RFWD3: variants seen among roughly 807,000 people sequenced by gnomAD.
The protein encoded by RFWD3 is ring finger and WD repeat domain 3.
In RFWD3, 65 loss-of-function variants were observed where a neutral mutation model predicts 87.7. That is an observed-to-expected ratio of 0.74 (90% CI 0.61 to 0.91). The LOEUF (loss-of-function observed/expected upper bound fraction) is 0.91, where lower values mean the gene tolerates loss of function less well. Ranked by LOEUF, RFWD3 falls within the 40% of genes least tolerant of loss-of-function variation. RFWD3 has a pLI of 0.00. For synonymous variants in RFWD3, 433 were observed against 352.8 expected (o/e 1.23, Z -2.55); for missense variants, 1,078 against 938.5 (o/e 1.15, Z -1.94).
At chr16:74,648,844 G>A (rs1221762564) in intron 4 of RFWD3, among the ~76,000 whole-genome samples, 1 of 152,118 alleles carries the variant, frequency 6.6e-6, no homozygotes, top group Non-Finnish European at 1.5e-5. Flanking sequence ...TCAATGGTTT[G>A]GGAGGCCGAG....
chr16:74,625,582 A>G (rs1958910243), intron 12 of RFWD3, among the ~76,000 whole-genome samples: 1 of 151,080 alleles, frequency 6.6e-6, no homozygotes, highest in African/African-American at 2.4e-5. Flanking sequence ...TTCTTCTGCC[A>G]TTGACTTGTT....
At chr16:74,652,771 C>G (rs931493400) in intron 2 of RFWD3, among the ~76,000 whole-genome samples, 5 of 152,196 alleles carry the variant, frequency 3.3e-5, no homozygotes, top group African/African-American at 1.2e-4. Context: ...ACCTCAGTTT[C>G]TCTAACTCCT....
At position 74,622,697 on chromosome 16, in the gene RFWD3, C is replaced by G. The variant is rs1445290514; in HGVS notation, c.*1231G>C. On this transcript the variant is annotated 3_prime_UTR_variant, in exon 13 of 13. Coordinates refer to ENST00000361070, the MANE Select transcript of RFWD3 (RefSeq NM_018124.4). ...CTGTTAAGCCATTTTCTCCCATGAACAGGACACTGACCTGCCCACATCTTG... is the reference window on the plus strand; with the variant it reads ...CTGTTAAGCCATTTTCTCCCATGAAGAGGACACTGACCTGCCCACATCTTG... The G allele has an allele frequency of 6.6e-6, 1 of 152,152 alleles. No homozygotes were observed. Among genetic ancestry groups the G allele is most frequent in the Non-Finnish European group, 1.5e-5 (1 of 68,034 alleles). The allele number at this position is 152,152 out of a possible 1,614,324, so 9.4% of individuals were successfully genotyped here. A position where few individuals can be genotyped will look rare whatever the true frequency, so the allele number is the denominator to read the frequency against.
intron 6 of RFWD3, among the ~76,000 whole-genome samples, chr16:74,640,118 T>G (rs1959503123): frequency 6.6e-6 from 1 of 151,782 alleles, no homozygotes; most frequent in Non-Finnish European, 1.5e-5. Context: ...GGGGGACTAC[T>G]GTAGCCCATT....
At chr16:74,636,630 T>A (rs1959203033) in intron 7 of RFWD3, 53 bp from the exon 8 acceptor site, 1 of 1,261,124 alleles carries the variant, frequency 7.9e-7, no homozygotes, top group Non-Finnish European at 1.1e-6. Flanking sequence ...GATATTCCCC[T>A]CAAATACAAT....
intron 6 of RFWD3, among the ~76,000 whole-genome samples, chr16:74,638,500 T>C (rs959727940): frequency 6.6e-6 from 1 of 152,122 alleles, no homozygotes; most frequent in African/African-American, 2.4e-5. Flanking sequence ...GAATAACAAA[T>C]ATATATTTGT....
intron 6 of RFWD3, among the ~76,000 whole-genome samples, chr16:74,640,615 C>G (rs1228809834): frequency 2.0e-5 from 3 of 151,874 alleles, no homozygotes; most frequent in Admixed American, 6.6e-5. Context: ...TGCACTCTGG[C>G]CTTTGTGATA....
intron 8 of RFWD3, among the ~76,000 whole-genome samples, chr16:74,635,853 T>C (rs1397671428): frequency 6.6e-6 from 1 of 152,204 alleles, no homozygotes; most frequent in Non-Finnish European, 1.5e-5. Context: ...AACCTAAAAT[T>C]AAGCTTAAAA....
At chr16:74,666,182 T>TTAGATAGACAGGA (rs1555529778) in intron 1 of RFWD3, 2 of 131,324 alleles carry the variant, frequency 1.5e-5, no homozygotes, top group Non-Finnish European at 3.2e-5. Context: ...GATAGACAGA[T>TTAGATAGACAGGA]TAGATAGATA....
In RFWD3 at chr16:74,636,510, A is replaced by C. The variant is rs1436992760; in HGVS notation, c.1262T>G (p.Val421Gly). The C allele has an allele frequency of 1.2e-6, 2 of 1,613,874 alleles. No individual in the cohort carries two copies. Among genetic ancestry groups the C allele is most frequent in the Non-Finnish European group, 1.7e-6 (2 of 1,180,026 alleles). Reference protein sequence around the residue: ...LQQPRGSQAWVLSCSPSSQGQ... With the variant: ...LQQPRGSQAWGLSCSPSSQGQ... ...CTGGCTGGAGGGTGAGCAGCTCAGGACCCATGCTTGGGAGCCCCTGGGTTG... is the reference window on the plus strand; with the variant it reads ...CTGGCTGGAGGGTGAGCAGCTCAGGCCCCATGCTTGGGAGCCCCTGGGTTG... Residue 421 changes from valine to glycine, a missense_variant, in exon 8 of 13, where the codon GTC becomes GGC. Transcript: ENST00000361070.
chr16:74,641,944 A>AC (rs1959688640), intron 6 of RFWD3, among the ~76,000 whole-genome samples: 1 of 150,822 alleles, frequency 6.6e-6, no homozygotes, highest in Non-Finnish European at 1.5e-5. Context: ...AAAAAAAAAA[A>AC]AAAAAAAAAA....
intron 12 of RFWD3, among the ~76,000 whole-genome samples, chr16:74,625,867 T>C (rs1958917075): frequency 6.6e-6 from 1 of 152,120 alleles, no homozygotes; most frequent in Non-Finnish European, 1.5e-5. Flanking sequence ...ACAGTGCTAC[T>C]CTAGGCCTTA....
intron 2 of RFWD3, 101 bp downstream of exon 2, chr16:74,660,831 G>A (rs1293094350): frequency 2.0e-5 from 27 of 1,371,238 alleles, no homozygotes; most frequent in Non-Finnish European, 2.6e-5. Context: ...GAAGTTACCT[G>A]ACTTGCCAAA....
chr16:74,643,149 T>C (rs2032895880), intron 6 of RFWD3, among the ~76,000 whole-genome samples: 2 of 152,118 alleles, frequency 1.3e-5, no homozygotes, highest in Non-Finnish European at 2.9e-5. Context: ...TTTTCTTTCT[T>C]TTAAAAAAAA....
intron 4 of RFWD3, among the ~76,000 whole-genome samples, chr16:74,648,590 G>GTGAAAT (rs1960338400): frequency 6.6e-6 from 1 of 151,078 alleles, no homozygotes. Flanking sequence ...GGCCAGTATG[G>GTGAAAT]TGAAACCCCG....
intron 2 of RFWD3, among the ~76,000 whole-genome samples, chr16:74,659,869 T>C (rs1407785434): frequency 6.6e-6 from 1 of 152,156 alleles, no homozygotes. Context: ...CTACCACTTT[T>C]TAGTATCATC....
intron 6 of RFWD3, among the ~76,000 whole-genome samples, chr16:74,638,254 A>T (rs1959320129): frequency 6.6e-6 from 1 of 152,202 alleles, no homozygotes; most frequent in African/African-American, 2.4e-5. Flanking sequence ...GGCAAATTGT[A>T]AAAGATTAAA....
At chr16:74,634,894 T>C (rs1282131060) in intron 8 of RFWD3, among the ~76,000 whole-genome samples, 2 of 151,780 alleles carry the variant, frequency 1.3e-5, no homozygotes, top group African/African-American at 2.4e-5. Context: ...GTAATCCCAG[T>C]ACTTTCGGAG....
rs1959355005 is a variant in RFWD3, at chr16:74,638,593, TGGAAAAGATAAAGC to T, written c.1080-637_1080-624del. On this transcript the variant is annotated intron_variant, in intron 6 of 12. Transcript: ENST00000361070. ...AGATATGCAAGAAAAAGATGAAAAT[TGGAAAAGATAAAGC>T]TGCCCTTATTAATTTTTATGGCAAA... Among the ~76,000 whole-genome samples, 3 of 152,156 alleles carry T rather than the reference TGGAAAAGATAAAGC, an allele frequency of 2.0e-5. No homozygotes were observed. In the East Asian group the frequency reaches 5.8e-4, roughly 29 times the overall value.
Sources: gnomAD v4.1 joint callset for allele counts (sites outside exome capture counted in the v4.1 genomes callset) on GRCh38, gnomAD v4.1.1 for gene constraint, MANE v1.5 for transcripts, NCBI Gene and HGNC (gene_info 2026-07-23, HGNC 2026-07-21) for gene names.